Variants in C6orf136 observed in about 807,000 individuals in gnomAD.
C6orf136 encodes the protein chromosome 6 open reading frame 136, also known as uncharacterized protein C6orf136.
In C6orf136, 29 loss-of-function variants were observed where a neutral mutation model predicts 44.0. That is an observed-to-expected ratio of 0.66 (90% CI 0.49 to 0.90). C6orf136 has a LOEUF of 0.90. Ranked by LOEUF, C6orf136 falls within the 40% of genes least tolerant of loss-of-function variation. The pLI, the probability that C6orf136 is intolerant of heterozygous loss-of-function variation, is 0.00. For synonymous variants in C6orf136, 293 were observed against 278.6 expected, an observed-to-expected ratio of 1.05 and a Z score of -0.52; for missense variants, 628 against 669.3, an observed-to-expected ratio of 0.94 and a Z score of 0.68.
chr6:30,650,733 AG>A (rs1767329875), intron 2 of C6orf136, among the ~76,000 whole-genome samples: 1 of 150,056 alleles, frequency 6.7e-6, no homozygotes, highest in Non-Finnish European at 1.5e-5. Flanking sequence ...CAGTGAGCCG[AG>A]ATTGTACCTC....
chr6:30,649,895 C>A lies in C6orf136; in HGVS notation c.953C>A (p.Thr318Asn). 6.2e-7 allele frequency: 1 copy of A among 1,613,954 alleles called. No homozygotes were observed. The highest frequency in any genetic ancestry group is 8.5e-7 in the Non-Finnish European group (1 of 1,179,896). Residue 318 changes from threonine to asparagine, a missense_variant, in exon 2 of 6, where the codon ACC becomes AAC. Coordinates refer to ENST00000651131, the MANE Select transcript of C6orf136 (RefSeq NM_001161376.2). ...VPGTAHPSPA[T>N]PSGDPSMEEH... Reference sequence around the variant, plus strand: ...GGAACTGCCCACCCTTCCCCTGCCACCCCGTCAGGAGATCCTAGTATGGAG... The same window carrying A: ...GGAACTGCCCACCCTTCCCCTGCCAACCCGTCAGGAGATCCTAGTATGGAG...
Position 30,652,943 on chromosome 6 carries a change from TGAAGA to T in C6orf136, c.*29_*33del, listed in dbSNP as rs749151397. On this transcript the variant is annotated 3_prime_UTR_variant, in exon 6 of 6. Transcript: ENST00000651131. ...CTTGACCTTGGAGTGGAGGCAGCAC[TGAAGA>T]CTGCTACGCCCAAGAGAAGGAGGTG... is the stretch of plus-strand genomic sequence containing the variant. 1.3e-6 allele frequency: 2 copies of T among 1,578,550 alleles called. No homozygotes were observed. The highest frequency in any genetic ancestry group is 2.2e-5 in the South Asian group (2 of 90,388).
Position 30,647,823 on chromosome 6 carries a change from T to C in C6orf136, c.592T>C (p.Ser198Pro). ...CCACGCCCCCAGCAGAGACGGCGCC[T>C]CTAGGACACCATCGGGGACCGAGGT... ...DGHAPSRDGASRTPSGTEDQL... is the reference protein window; with the variant it reads ...DGHAPSRDGAPRTPSGTEDQL... Residue 198 changes from serine to proline, a missense_variant, in exon 1 of 6, where the codon TCT becomes CCT. Ser to Pro is a moderately conservative substitution (Grantham distance 74). This residue lies in a region of C6orf136 where 497 missense variants were observed against 469.2 expected (regional missense o/e 1.06). Transcript: ENST00000651131. The surrounding 1 kb of genome is among the most constrained non-coding windows in gnomAD (Gnocchi z 4.8). The C allele has an allele frequency of 6.6e-7, 1 of 1,513,534 alleles. No homozygotes were observed. Among genetic ancestry groups the C allele is most frequent in the Non-Finnish European group, 8.8e-7 (1 of 1,131,426 alleles). The allele number at this position is 1,513,534 out of a possible 1,614,324, so 93.8% of individuals were successfully genotyped here.
intron 4 of C6orf136, 93 bp from the exon 5 acceptor site, chr6:30,652,555 C>A: frequency 8.8e-7 from 1 of 1,137,096 alleles, no homozygotes; most frequent in Non-Finnish European, 1.3e-6. Context: ...TAATATGTAG[C>A]AGAATTTAGG....
At position 30,647,653 on chromosome 6, in the gene C6orf136, C is replaced by T; in HGVS notation, c.422C>T (p.Ala141Val). The T allele has an allele frequency of 6.5e-7, 1 of 1,550,002 alleles. No homozygotes were observed. Residue 141 changes from alanine (A) to valine (V), a missense_variant, in exon 1 of 6, where the codon GCG becomes GTG. Around this residue, in one of 2 missense-constraint regions of C6orf136, gnomAD observed 497 missense variants for 469.2 expected, o/e 1.06. Transcript: ENST00000651131. The surrounding 1 kb of genome is among the most constrained non-coding windows in gnomAD (Gnocchi z 4.8). ...RGREIRSPAAAPSRSSPAQTR... is the reference protein window; with the variant it reads ...RGREIRSPAAVPSRSSPAQTR... ...CGAGAGATTCGTAGCCCTGCTGCGG[C>T]GCCGTCCCGGAGTTCCCCGGCCCAG...
chr6:30,651,495 C>G (rs200241953), intron 4 of C6orf136, 29 bp downstream of exon 4: 100 of 1,527,464 alleles, frequency 6.5e-5, no homozygotes, highest in Middle Eastern at 1.7e-4. Flanking sequence ...AGGACCCAAA[C>G]TATAATCAGT....
chr6:30,653,130 A>G lies in C6orf136; in HGVS notation c.*215A>G, dbSNP rs1034235648. On this transcript the variant is annotated 3_prime_UTR_variant, in exon 6 of 6. Transcript: ENST00000651131. The stretch of plus-strand genomic sequence containing the variant: ...TAGAATTTCACATATCACTTTCTCT[A>G]GATCCCAAATGTTCCCACAAGCTTT... The G allele has an allele frequency of 1.5e-6, 2 of 1,339,124 alleles. No individual in the cohort carries two copies. The highest frequency in any genetic ancestry group is 4.9e-5 in the Admixed American group (2 of 40,870). 83.0% of individuals were successfully genotyped at this position (1,339,124 alleles called of 1,614,324 possible). A position where few individuals can be genotyped will look rare whatever the true frequency, so the allele number is the denominator to read the frequency against.
chr6:30,651,316 G>A lies in C6orf136; in HGVS notation c.1157G>A (p.Trp386Ter). 6.2e-7 allele frequency: 1 copy of A among 1,614,018 alleles called. No individual in the cohort carries two copies. ...CTGACCCTCTGCCGTTTCCTGGCCT[G>A]GAATTATTTTGCACACCTTCGTTTG... ...LSLTLCRFLA[W>*]NYFAHLRLEV... The change falls in exon 4 of 6, where the codon TGG (tryptophan) becomes TAG (stop). Residue 386 changes from tryptophan (W) to a stop codon, truncating the protein, a stop_gained. Transcript: ENST00000651131. LOFTEE classifies it high-confidence loss of function.
Position 30,651,428 on chromosome 6 carries a change from T to C in C6orf136, c.1269T>C (p.Phe423=). Residue 423 remains phenylalanine, a synonymous_variant, in exon 4 of 6, where the codon TTT becomes TTC. Transcript: ENST00000651131. Reference sequence around the variant, plus strand: ...TGGGGCTGCCCGTCCACTTGCTCTTTTTGCGGTTCTACAAGCGTGACAAAG... The same window carrying C: ...TGGGGCTGCCCGTCCACTTGCTCTTCTTGCGGTTCTACAAGCGTGACAAAG... ...RLVGLPVHLL[F]LRFYKRDKDE... 6.2e-7 allele frequency: 1 copy of C among 1,611,908 alleles called. No homozygotes were observed. The highest frequency in any genetic ancestry group is 1.3e-5 in the African/African-American group (1 of 75,006).
intron 2 of C6orf136, 109 bp from the exon 3 acceptor site, chr6:30,650,885 C>A: frequency 1.3e-6 from 1 of 772,726 alleles, no homozygotes; most frequent in Non-Finnish European, 2.1e-6. Context: ...GTACTCCAGC[C>A]TGGGCGACAG....
In C6orf136 at chr6:30,647,506, C is replaced by A; in HGVS notation, c.275C>A (p.Thr92Lys). Residue 92 changes from threonine to lysine, a missense_variant, in exon 1 of 6, where the codon ACG becomes AAG. Coordinates refer to ENST00000651131, the MANE Select transcript of C6orf136 (RefSeq NM_001161376.2). This position sits in a 1 kb window ranked among gnomAD's most constrained non-coding sequence, Gnocchi z 4.8. ...GRRCRACRAR[T>K]SVLPGLRAVR... ...CGCTGCCGGGCCTGTCGCGCAAGGA[C>A]GTCGGTCCTCCCAGGTTTGAGGGCG... 1 of 1,501,698 alleles carries A rather than the reference C, an allele frequency of 6.7e-7. No individual in the cohort carries two copies. Among genetic ancestry groups the A allele is most frequent in the Non-Finnish European group, 8.9e-7 (1 of 1,118,812 alleles). The allele number at this position is 1,501,698 out of a possible 1,614,324, so 93.0% of individuals were successfully genotyped here.
At chr6:30,650,095 A>G in intron 2 of C6orf136, 136 bp downstream of exon 2, 1 of 840,184 alleles carries the variant, frequency 1.2e-6, no homozygotes, top group Non-Finnish European at 1.8e-6. Flanking sequence ...CATTTTCCTG[A>G]GAAAATGATG....
rs1287898907 is a variant in C6orf136, at chr6:30,647,405, G to A, written c.174G>A (p.Gln58=). The A allele has an allele frequency of 6.8e-7, 1 of 1,473,322 alleles. No homozygotes were observed. The highest frequency in any genetic ancestry group is 2.4e-5 in the Admixed American group (1 of 41,000). The allele number at this position is 1,473,322 out of a possible 1,614,324, so 91.3% of individuals were successfully genotyped here. Residue 58 remains glutamine (Q), a synonymous_variant, in exon 1 of 6, where the codon CAG becomes CAA. Coordinates refer to ENST00000651131, the MANE Select transcript of C6orf136 (RefSeq NM_001161376.2). This position sits in a 1 kb window ranked among gnomAD's most constrained non-coding sequence, Gnocchi z 4.8. ...AERALGSAQA[Q]RHPPPLPTCA... is the part of the protein sequence containing the mutation. ...GCGCGCTGGGTTCCGCGCAGGCGCA[G>A]AGACACCCGCCGCCCCTTCCCACCT...
At chr6:30,650,108 C>T (rs1767267186) in intron 2 of C6orf136, 149 bp downstream of exon 2, 2 of 784,816 alleles carry the variant, frequency 2.5e-6, no homozygotes, top group South Asian at 3.8e-5. Context: ...AAATGATGTT[C>T]CAGCCAGGCA....
chr6:30,647,570 C>T lies in C6orf136; in HGVS notation c.339C>T (p.Cys113=). The part of the protein sequence containing the change: ...RGQGQAAGRV[C]VAPDSPRLPV... ...AAGGCCAGGCAGCGGGGCGCGTCTGCGTTGCGCCCGACTCTCCGCGGTTAC... is the reference window on the plus strand; with the variant it reads ...AAGGCCAGGCAGCGGGGCGCGTCTGTGTTGCGCCCGACTCTCCGCGGTTAC... Residue 113 remains cysteine, a synonymous_variant, in exon 1 of 6, where the codon TGC becomes TGT. Transcript: ENST00000651131. This position sits in a 1 kb window ranked among gnomAD's most constrained non-coding sequence, Gnocchi z 4.8. The T allele has an allele frequency of 1.3e-6, 2 of 1,535,532 alleles. No homozygotes were observed. Among genetic ancestry groups the T allele is most frequent in the East Asian group, 2.5e-5 (1 of 40,380 alleles).
Position 30,651,457 on chromosome 6 carries a change from A to G in C6orf136, c.1298A>G (p.Glu433Gly), listed in dbSNP as rs759230424. 1.9e-6 allele frequency: 3 copies of G among 1,607,250 alleles called. No individual in the cohort carries two copies. The South Asian group carries it at 3.3e-5, about 18-fold the overall frequency. Residue 433 changes from glutamate (E) to glycine (G), a missense_variant, in exon 4 of 6, where the codon GAG becomes GGG. Glu to Gly is a moderately conservative substitution (Grantham distance 98). Transcript: ENST00000651131. ...FLRFYKRDKD[E>G]HYRTYDAYST... Reference sequence around the variant, plus strand: ...CGGTTCTACAAGCGTGACAAAGACGAGCATTACCGGTAAGAGAGAAATGAG... The same window carrying G: ...CGGTTCTACAAGCGTGACAAAGACGGGCATTACCGGTAAGAGAGAAATGAG...
At chr6:30,650,639 T>C (rs1767316693) in intron 2 of C6orf136, among the ~76,000 whole-genome samples, 1 of 151,272 alleles carries the variant, frequency 6.6e-6, no homozygotes, top group Non-Finnish European at 1.5e-5. Context: ...AAAAATTAGC[T>C]GGGCATGGTG....
rs374488030 is a variant in C6orf136, at chr6:30,649,767, A to T, written c.825A>T (p.Gly275=). The stretch of plus-strand genomic sequence containing the variant: ...TCCCTCCAGGAAAGGGGGAGGAGGG[A>T]CCAGGACCTGAGTTGCATAGCGGCT... ...VVLPPGKGEE[G]PGPELHSGCL... Residue 275 remains glycine (G), a synonymous_variant, in exon 2 of 6, where the codon GGA becomes GGT. Coordinates refer to ENST00000651131, the MANE Select transcript of C6orf136 (RefSeq NM_001161376.2). 7 of 1,613,796 alleles carry T rather than the reference A, an allele frequency of 4.3e-6. No individual in the cohort carries two copies. The highest frequency in any genetic ancestry group is 5.9e-6 in the Non-Finnish European group (7 of 1,179,980).
At chr6:30,651,211 G>T in intron 3 of C6orf136, 55 bp from the exon 4 acceptor site, 1 of 1,602,424 alleles carries the variant, frequency 6.2e-7, no homozygotes, top group Non-Finnish European at 8.6e-7. Context: ...TTAGAAGCCA[G>T]TTTGGTTTTC....
Sources: gnomAD v4.1 joint callset for allele counts (sites outside exome capture counted in the v4.1 genomes callset) on GRCh38, gnomAD v4.1.1 for gene constraint, gnomAD v4.1.1 regional missense constraint, Gnocchi (gnomAD v3.1) non-coding constraint, MANE v1.5 for transcripts, NCBI Gene and HGNC (gene_info 2026-07-23, HGNC 2026-07-21) for gene names.